CRYBG3: variants seen among roughly 807,000 people sequenced by gnomAD.
The protein encoded by CRYBG3 is very large A-kinase anchor protein.
In CRYBG3, 127 loss-of-function variants were observed where a neutral mutation model predicts 244.2. The ratio of observed to expected loss-of-function variants is 0.52; its 90% CI spans 0.45 to 0.60. The LOEUF is 0.60. CRYBG3 is among the 20% of genes least tolerant of loss of function. The pLI is 0.00. For missense variants in CRYBG3, 3,325 were observed against 3,442.5 expected, an observed-to-expected ratio of 0.97 and a Z score of 0.85; for synonymous variants, 1,132 against 1,195.8, an observed-to-expected ratio of 0.95 and a Z score of 1.10.
At chr3:97,859,816 A>T (rs768698543) in intron 2 of CRYBG3, among the ~76,000 whole-genome samples, 1 of 152,052 alleles carries the variant, frequency 6.6e-6, no homozygotes, top group South Asian at 2.1e-4. Context: ...TCTCCTTGCC[A>T]CTTTACTTGG....
intron 16 of CRYBG3, among the ~76,000 whole-genome samples, chr3:97,913,719 T>C (rs1236377112): frequency 6.6e-6 from 1 of 152,206 alleles, no homozygotes; most frequent in East Asian, 1.9e-4. Context: ...CTGGTAAATC[T>C]AGCCAGCAGG....
rs2039315227 is a variant in CRYBG3, at chr3:97,872,349, A to T, written c.1155A>T (p.Thr385=). ...ATTTGGTATGTTCAGCATTGTTAAC[A>T]GGAAGTAACCATCGCAAAGTCCCTT... The part of the protein sequence containing the change: ...NRNLVCSALL[T]GSNHRKVPCS... The change falls in exon 4 of 22, where the codon ACA becomes ACT. Residue 385 remains threonine, a synonymous_variant. Coordinates refer to ENST00000389622, the MANE Select transcript of CRYBG3 (RefSeq NM_153605.4). The T allele has an allele frequency of 6.5e-7, 1 of 1,535,888 alleles. No individual in the cohort carries two copies. The highest frequency in any genetic ancestry group is 2.0e-5 in the Admixed American group (1 of 50,962).
chr3:97,863,734 G>A (rs1233948335), intron 2 of CRYBG3, among the ~76,000 whole-genome samples: 1 of 152,044 alleles, frequency 6.6e-6, no homozygotes, highest in Non-Finnish European at 1.5e-5. Context: ...ATACTCATAA[G>A]GTTTACTGTG....
intron 9 of CRYBG3, 48 bp downstream of exon 9, chr3:97,888,503 T>C (rs1433157676): frequency 8.2e-7 from 1 of 1,219,674 alleles, no homozygotes; most frequent in Non-Finnish European, 1.2e-6. Flanking sequence ...TACCCATGAA[T>C]CCAAAATTAA....
At chr3:97,823,316 T>G (rs1014465130) in intron 1 of CRYBG3, among the ~76,000 whole-genome samples, 8 of 152,088 alleles carry the variant, frequency 5.3e-5, no homozygotes, top group African/African-American at 1.9e-4. Flanking sequence ...CAGAAAACCG[T>G]GTTTACTTCG....
chr3:97,822,507 C>T (rs1208030014), intron 1 of CRYBG3, among the ~76,000 whole-genome samples, 152 bp downstream of exon 1: 1 of 152,254 alleles, frequency 6.6e-6, no homozygotes, highest in Non-Finnish European at 1.5e-5. Flanking sequence ...AAAGTTTCCT[C>T]CTCCTTGCCC....
rs187069889 is a variant in CRYBG3, at chr3:97,864,169, T to A, written c.217-48T>A. On this transcript the variant is annotated intron_variant, in intron 2 of 21. Transcript: ENST00000389622. ...TTTTATAATAGCTTATCAGTCTGTT[T>A]CATTATTTAAATAATGATGCTTATG... 4.6e-5 allele frequency: 63 copies of A among 1,365,528 alleles called. No individual in the cohort carries two copies. The East Asian group carries it at 1.5e-3, about 31-fold the overall frequency. 84.6% of individuals were successfully genotyped at this position (1,365,528 alleles called of 1,614,324 possible).
Position 97,874,794 on chromosome 3 carries a change from C to T in CRYBG3, c.3600C>T (p.Ala1200=), listed in dbSNP as rs746851612. The T allele has an allele frequency of 1.2e-5, 19 of 1,535,760 alleles. No individual in the cohort carries two copies. The highest frequency in any genetic ancestry group is 1.7e-4 in the Middle Eastern group (1 of 6,010). Residue 1200 remains alanine (A), a synonymous_variant, in exon 4 of 22, where the codon GCC becomes GCT. Coordinates refer to ENST00000389622, the MANE Select transcript of CRYBG3 (RefSeq NM_153605.4). ...LDLKSSLLKK[A]DTLIGEIFNS... is the part of the protein sequence containing the mutation. Reference sequence around the variant, plus strand: ...TCAAAAGTAGTTTACTCAAAAAGGCCGATACATTGATTGGTGAGATTTTTA... The same window carrying T: ...TCAAAAGTAGTTTACTCAAAAAGGCTGATACATTGATTGGTGAGATTTTTA...
intron 19 of CRYBG3, among the ~76,000 whole-genome samples, chr3:97,937,360 A>C (rs1267498352): frequency 6.6e-6 from 1 of 152,038 alleles, no homozygotes; most frequent in Non-Finnish European, 1.5e-5. Flanking sequence ...CTTAGAATAC[A>C]ATCTACCCGC....
At chr3:97,828,540 A>T (rs1329536149) in intron 1 of CRYBG3, among the ~76,000 whole-genome samples, 1 of 151,760 alleles carries the variant, frequency 6.6e-6, no homozygotes, top group Non-Finnish European at 1.5e-5. Context: ...AAAAAAAAAA[A>T]AAAAAGCCGG....
intron 17 of CRYBG3, among the ~76,000 whole-genome samples, chr3:97,920,048 G>A (rs889346200): frequency 1.3e-5 from 2 of 152,006 alleles, no homozygotes; most frequent in Non-Finnish European, 2.9e-5. Context: ...GGGATTACAG[G>A]TACAAACCAC....
chr3:97,862,664 G>T (rs2039167861), intron 2 of CRYBG3, among the ~76,000 whole-genome samples: 1 of 152,152 alleles, frequency 6.6e-6, no homozygotes, highest in Admixed American at 6.6e-5. Context: ...GGGCACAGGT[G>T]ACTTATAGTG....
intron 20 of CRYBG3, chr3:97,941,867 C>T (rs540932383): frequency 1.3e-5 from 2 of 154,284 alleles, no homozygotes; most frequent in African/African-American, 4.8e-5. Flanking sequence ...TCTACTTTTT[C>T]TCATGCTTCA....
At position 97,822,139 on chromosome 3, in the gene CRYBG3, C is replaced by A; in HGVS notation, c.-68C>A. The A allele has an allele frequency of 7.4e-7, 1 of 1,344,352 alleles. No homozygotes were observed. The highest frequency in any genetic ancestry group is 2.9e-5 in the East Asian group (1 of 34,000). The allele number at this position is 1,344,352 out of a possible 1,614,324, so 83.3% of individuals were successfully genotyped here. A position where few individuals can be genotyped will look rare whatever the true frequency, so the allele number is the denominator to read the frequency against. On this transcript the variant is annotated 5_prime_UTR_variant, in exon 1 of 22. Coordinates refer to ENST00000389622, the MANE Select transcript of CRYBG3 (RefSeq NM_153605.4). ...CCGCATCCCGCGGCGCCCGGTCGGG[C>A]TCCGGGCACCAGGCAACACCTAGGC... is the stretch of plus-strand genomic sequence containing the variant.
In CRYBG3 at chr3:97,872,695, G is replaced by A; in HGVS notation, c.1501G>A (p.Val501Met). 1.3e-6 allele frequency: 2 copies of A among 1,535,966 alleles called. No homozygotes were observed. Among genetic ancestry groups the A allele is most frequent in the Non-Finnish European group, 1.7e-6 (2 of 1,146,788 alleles). The change falls in exon 4 of 22, where the codon GTG (valine) becomes ATG (methionine). Residue 501 changes from valine to methionine, a missense_variant. By Grantham distance (21) the Val-to-Met change is conservative (BLOSUM62 1). This residue lies in a region of CRYBG3 where 1,526 missense variants were observed against 1,443.2 expected (regional missense o/e 1.06). Coordinates refer to ENST00000389622, the MANE Select transcript of CRYBG3 (RefSeq NM_153605.4). ...TATCATTGCTCTTCAGAGACATGCTGTGACAGACACAGAATTTGTAAATGA... is the reference window on the plus strand; with the variant it reads ...TATCATTGCTCTTCAGAGACATGCTATGACAGACACAGAATTTGTAAATGA... Reference protein sequence around the residue: ...TNIIALQRHAVTDTEFVNEGK... With the variant: ...TNIIALQRHAMTDTEFVNEGK...
At chr3:97,888,575 C>T (rs969979824) in intron 9 of CRYBG3, 120 bp downstream of exon 9, 2 of 709,624 alleles carry the variant, frequency 2.8e-6, no homozygotes, top group Non-Finnish European at 5.0e-6. Flanking sequence ...ACTGAATTGG[C>T]AAACTATTGT....
rs55680275 is a variant in CRYBG3, at chr3:97,877,991, A to G, written c.6797A>G (p.Tyr2266Cys). 1.2e-3 allele frequency: 1,974 copies of G among 1,614,068 alleles called. 22 individuals carry two copies. The African/African-American group carries it at 0.022, about 18-fold the overall frequency. Residue 2266 changes from tyrosine to cysteine, a missense_variant, in exon 4 of 22, where the codon TAT (tyrosine) becomes TGT (cysteine). Tyr to Cys is a radical substitution (Grantham distance 194). Transcript: ENST00000389622. ...ATTTTTCAGGAACCAGTGTCAAAATATTTCCGTGTTCAAGACAGCCCAGGC... is the reference window on the plus strand; with the variant it reads ...ATTTTTCAGGAACCAGTGTCAAAATGTTTCCGTGTTCAAGACAGCCCAGGC... ...GGIFQEPVSK[Y>C]FRVQDSPGRL...
In CRYBG3 at chr3:97,877,243, G is replaced by A; in HGVS notation, c.6049G>A (p.Glu2017Lys). 2 of 1,613,904 alleles carry A rather than the reference G, an allele frequency of 1.2e-6. No individual in the cohort carries two copies. Among genetic ancestry groups the A allele is most frequent in the Non-Finnish European group, 1.7e-6 (2 of 1,179,838 alleles). ...LQEEDKYASA[E>K]ARQTQSVLFH... is the part of the protein sequence containing the mutation. ...AGAGGAGGACAAGTATGCTTCCGCA[G>A]AAGCAAGACAAACACAGTCTGTCTT... is the stretch of plus-strand genomic sequence containing the variant. The change falls in exon 4 of 22, where the codon GAA (glutamate) becomes AAA (lysine). Residue 2017 changes from glutamate to lysine, a missense_variant. This residue lies in a region of CRYBG3 where 450 missense variants were observed against 424.1 expected (regional missense o/e 1.06). Transcript: ENST00000389622.
intron 1 of CRYBG3, among the ~76,000 whole-genome samples, chr3:97,827,901 G>T (rs997822249): frequency 6.6e-6 from 1 of 152,158 alleles, no homozygotes; most frequent in Non-Finnish European, 1.5e-5. Context: ...GTAAAAGAAG[G>T]CTGCCCTTAG....
Sources: allele counts gnomAD v4.1 joint callset (sites outside exome capture counted in the v4.1 genomes callset), GRCh38; gene constraint gnomAD v4.1.1; regional missense constraint gnomAD v4.1.1; transcripts MANE v1.5; gene names NCBI Gene and HGNC (gene_info 2026-07-23, HGNC 2026-07-21).